PLCG2: variants seen among roughly 807,000 people sequenced by gnomAD.
PLCG2 encodes the protein phospholipase C gamma 2, also known as 1-phosphatidylinositol 4,5-bisphosphate phosphodiesterase gamma-2.
A neutral mutation model predicts 175.6 loss-of-function variants in PLCG2; 69 were observed. That is an observed-to-expected ratio of 0.39 (90% CI 0.32 to 0.48). The LOEUF (loss-of-function observed/expected upper bound fraction) is 0.48, where lower values mean the gene tolerates loss of function less well. PLCG2 is among the 20% of genes least tolerant of loss of function. The pLI is 0.91. For synonymous variants in PLCG2, 827 were observed against 624.0 expected, an observed-to-expected ratio of 1.33 and a Z score of -4.85; for missense variants, 1,798 against 1,650.9, an observed-to-expected ratio of 1.09 and a Z score of -1.54.
At chr16:81,762,249 A>G (rs182006330) in intron 2 of PLCG2, among the ~76,000 whole-genome samples, 2 of 152,274 alleles carry the variant, frequency 1.3e-5, no homozygotes, top group African/African-American at 4.8e-5. Flanking sequence ...ATATGTTGCT[A>G]TTATTTTTTT....
At chr16:81,900,222 C>T (rs556789143) in intron 13 of PLCG2, among the ~76,000 whole-genome samples, 3 of 152,296 alleles carry the variant, frequency 2.0e-5, no homozygotes, top group Admixed American at 6.5e-5. Context: ...CGTGGAACAG[C>T]GTCCCTGTTG....
chr16:81,906,017 T>C (rs1335515293), intron 15 of PLCG2, among the ~76,000 whole-genome samples: 1 of 152,222 alleles, frequency 6.6e-6, no homozygotes, highest in Non-Finnish European at 1.5e-5. Flanking sequence ...TTAGATTAAA[T>C]ATATTTACAC....
In PLCG2 at chr16:81,880,916, G is replaced by C. The variant is rs376192123; in HGVS notation, c.655G>C (p.Asp219His). 2 of 1,613,770 alleles carry C rather than the reference G, an allele frequency of 1.2e-6. No homozygotes were observed. Among genetic ancestry groups the C allele is most frequent in the Non-Finnish European group, 8.5e-7 (1 of 1,179,894 alleles). The change falls in exon 8 of 33, where the codon GAT (aspartate) becomes CAT (histidine). Residue 219 changes from aspartate (D) to histidine (H), a missense_variant. Coordinates refer to ENST00000564138, the MANE Select transcript of PLCG2 (RefSeq NM_002661.5). ...LMFEQQKSIL[D>H]EFKKDSSVFI... ...TGTGTGCTTTCCATTTCAGATTCTC[G>C]ATGAATTCAAAAAGGATTCGTCCGT...
At chr16:81,935,014 G>C (rs1006435121) in intron 26 of PLCG2, among the ~76,000 whole-genome samples, 1 of 152,080 alleles carries the variant, frequency 6.6e-6, no homozygotes, top group African/African-American at 2.4e-5. Flanking sequence ...GTGAGATTTG[G>C]GTGGGGACAC....
chr16:81,844,061 C>G (rs989048432), intron 2 of PLCG2, among the ~76,000 whole-genome samples: 1 of 150,192 alleles, frequency 6.7e-6, no homozygotes, highest in Non-Finnish European at 1.5e-5. Context: ...ACTACAAGCT[C>G]TGCCTCCCGG....
chr16:81,811,822 A>G (rs917415180), intron 2 of PLCG2, among the ~76,000 whole-genome samples: 16 of 152,258 alleles, frequency 1.1e-4, no homozygotes, highest in Non-Finnish European at 2.1e-4. Context: ...TAGTGCCGCA[A>G]TAAACATATG....
At chr16:81,779,190 G>C (rs548851651), upstream of PLCG2, 1 of 152,230 alleles carries the variant, frequency 6.6e-6, no homozygotes, top group South Asian at 2.0e-4. Flanking sequence ...CCGAGAGGCG[G>C]ACCCGGCTGG....
intron 5 of PLCG2, among the ~76,000 whole-genome samples, chr16:81,864,877 G>A (rs755242753): frequency 1.7e-4 from 26 of 152,150 alleles, no homozygotes; most frequent in Non-Finnish European, 3.5e-4. Flanking sequence ...GTCTGCCATG[G>A]GAGAGGGAGG....
At chr16:81,768,911 T>G (rs943035614) in intron 2 of PLCG2, among the ~76,000 whole-genome samples, 7 of 152,124 alleles carry the variant, frequency 4.6e-5, no homozygotes, top group Admixed American at 1.3e-4. Flanking sequence ...TAGGTGCGTA[T>G]TTTTTGTTCA....
intron 8 of PLCG2, among the ~76,000 whole-genome samples, chr16:81,881,713 T>C (rs1287669605): frequency 1.3e-5 from 2 of 152,196 alleles, no homozygotes; most frequent in Non-Finnish European, 2.9e-5. Flanking sequence ...GGCGCAATCT[T>C]GGCTCACTGC....
At chr16:81,900,426 T>C (rs766987601) in intron 13 of PLCG2, among the ~76,000 whole-genome samples, 186 bp from the exon 14 acceptor site, 1 of 152,218 alleles carries the variant, frequency 6.6e-6, no homozygotes, top group South Asian at 2.1e-4. Flanking sequence ...CTGTTCTGAG[T>C]CCCAAGACTT....
chr16:81,884,711 T>A lies in PLCG2; in HGVS notation c.765+1370T>A, dbSNP rs185467960. On this transcript the variant is annotated intron_variant, in intron 9 of 32. Coordinates refer to ENST00000564138, the MANE Select transcript of PLCG2 (RefSeq NM_002661.5). ...ACTTTTTTCTTTTACTTCATTTGTT[T>A]TTTTTTAAATAGAGTTTATATTTTA... is the stretch of plus-strand genomic sequence containing the variant. 4.6e-5 allele frequency among the ~76,000 whole-genome samples: 7 copies of A among 152,214 alleles called. No individual in the cohort carries two copies. The East Asian group carries it at 1.3e-3, about 29-fold the overall frequency.
intron 2 of PLCG2, among the ~76,000 whole-genome samples, chr16:81,773,197 T>G (rs924164588): frequency 6.6e-6 from 1 of 152,196 alleles, no homozygotes; most frequent in Non-Finnish European, 1.5e-5. Context: ...TGTACTCTTT[T>G]CAGTCTCTTC....
chr16:81,884,399 CAAAG>C (rs1908251360), intron 9 of PLCG2, among the ~76,000 whole-genome samples: 1 of 151,668 alleles, frequency 6.6e-6, no homozygotes, highest in Non-Finnish European at 1.5e-5. Context: ...AAAAAAAAGT[CAAAG>C]AAGTATTCAG....
intron 2 of PLCG2, among the ~76,000 whole-genome samples, chr16:81,841,449 C>T (rs1442741973): frequency 6.6e-6 from 1 of 152,028 alleles, no homozygotes; most frequent in Admixed American, 6.6e-5. Flanking sequence ...CTATGTTGGC[C>T]AGGCTGGTTT....
chr16:81,801,264 C>T (rs1423324677), intron 2 of PLCG2, among the ~76,000 whole-genome samples: 2 of 152,122 alleles, frequency 1.3e-5, no homozygotes, highest in African/African-American at 4.8e-5. Context: ...TAGTTAAGTT[C>T]TCATAAGTAC....
Position 81,786,048 on chromosome 16 carries a change from G to C in PLCG2, c.59G>C (p.Arg20Thr), listed in dbSNP as rs1910955135. ...LAEYEKSQIKRALELGTVMTV... is the reference protein window; with the variant it reads ...LAEYEKSQIKTALELGTVMTV... ...GAATATGAGAAGAGCCAGATCAAGA[G>C]AGCCCTGGAGCTGGGGACGGTGATG... Residue 20 changes from arginine to threonine, a missense_variant, in exon 2 of 33, where the codon AGA (arginine) becomes ACA (threonine). Transcript: ENST00000564138. The C allele has an allele frequency of 1.9e-6, 3 of 1,614,216 alleles. No individual in the cohort carries two copies. Among genetic ancestry groups the C allele is most frequent in the East Asian group, 4.5e-5 (2 of 44,886 alleles).
intron 2 of PLCG2, among the ~76,000 whole-genome samples, chr16:81,841,335 C>A (rs999961285): frequency 1.3e-5 from 2 of 152,038 alleles, no homozygotes; most frequent in Non-Finnish European, 2.9e-5. Flanking sequence ...CTCCTGGGCT[C>A]AAGCCGTTCT....
At chr16:81,797,835 G>T (rs1043686544) in intron 2 of PLCG2, among the ~76,000 whole-genome samples, 1 of 145,396 alleles carries the variant, frequency 6.9e-6, no homozygotes, top group Non-Finnish European at 1.5e-5. Flanking sequence ...CTTTTTTCTT[G>T]TCTTTTTTTT....
Sources: gnomAD v4.1 joint callset for allele counts (sites outside exome capture counted in the v4.1 genomes callset) on GRCh38, gnomAD v4.1.1 for gene constraint, MANE v1.5 for transcripts, NCBI Gene and HGNC (gene_info 2026-07-23, HGNC 2026-07-21) for gene names.